RNF166: variants seen among roughly 807,000 people sequenced by gnomAD.
RNF166 encodes ring finger protein 166.
In RNF166, 19 loss-of-function variants were observed where a neutral mutation model predicts 29.4. That is an observed-to-expected ratio of 0.65 (90% CI 0.45 to 0.95). The LOEUF (loss-of-function observed/expected upper bound fraction) is 0.95, where lower values mean the gene tolerates loss of function less well. RNF166 is among the 40% of genes least tolerant of loss of function. The pLI is 0.00. For synonymous variants in RNF166, 171 were observed against 134.5 expected, an observed-to-expected ratio of 1.27 and a Z score of -1.88; for missense variants, 347 against 322.1, an observed-to-expected ratio of 1.08 and a Z score of -0.59.
rs528897801 is a variant in RNF166, at chr16:88,696,664, G to C, written c.*904C>G. 6.8e-6 allele frequency: 3 copies of C among 440,214 alleles called. No homozygotes were observed. Among genetic ancestry groups the C allele is most frequent in the African/African-American group, 4.1e-5 (2 of 48,694 alleles). 27.3% of individuals were successfully genotyped at this position (440,214 alleles called of 1,614,324 possible). On this transcript the variant is annotated 3_prime_UTR_variant, in exon 6 of 6. Coordinates refer to ENST00000312838, the MANE Select transcript of RNF166 (RefSeq NM_178841.4). ...CTGGGGTGCCGTCCCCTCCCGCAGCGGGGCACAGTCAGCTTTGAAGGTGAC... is the reference window on the plus strand; with the variant it reads ...CTGGGGTGCCGTCCCCTCCCGCAGCCGGGCACAGTCAGCTTTGAAGGTGAC...
In RNF166 at chr16:88,701,434, G is replaced by T. The variant is rs759814786; in HGVS notation, c.156-16C>A. On this transcript the variant is annotated splice_polypyrimidine_tract_variant and intron_variant, in intron 1 of 5. Coordinates refer to ENST00000312838, the MANE Select transcript of RNF166 (RefSeq NM_178841.4). Reference sequence around the variant, plus strand: ...CCCGCAGAACCTGCAGGGCACAGGGGCCTGAGTGCCAGCCCGCCCCTCGGG... The same window carrying T: ...CCCGCAGAACCTGCAGGGCACAGGGTCCTGAGTGCCAGCCCGCCCCTCGGG... The T allele has an allele frequency of 2.6e-6, 4 of 1,546,822 alleles. No individual in the cohort carries two copies. The highest frequency in any genetic ancestry group is 2.6e-6 in the Non-Finnish European group (3 of 1,149,676).
intron 4 of RNF166, 52 bp downstream of exon 4, chr16:88,698,918 TC>T: frequency 7.4e-7 from 1 of 1,352,740 alleles, no homozygotes; most frequent in Non-Finnish European, 1.0e-6. Context: ...CCTTGTACTG[TC>T]CCCCACAGGC....
At chr16:88,703,474 C>T (rs1314325394) in intron 1 of RNF166, 3 of 985,382 alleles carry the variant, frequency 3.0e-6, no homozygotes, top group East Asian at 2.3e-4. Flanking sequence ...TCAGGAAAGA[C>T]ACAAGAGGGA....
chr16:88,699,478 T>C, intron 3 of RNF166, 142 bp downstream of exon 3: 1 of 644,362 alleles, frequency 1.6e-6, no homozygotes, highest in East Asian at 2.8e-5. Context: ...TCCTGCAGGG[T>C]GGCAAGGAAG....
At position 88,702,933 on chromosome 16, in the gene RNF166, C is replaced by G. The variant is rs983234554; in HGVS notation, c.156-1515G>C. 6.1e-6 allele frequency: 6 copies of G among 985,410 alleles called. No individual in the cohort carries two copies. The African/African-American group carries it at 1.0e-4, about 17-fold the overall frequency. 61.0% of individuals were successfully genotyped at this position (985,410 alleles called of 1,614,324 possible). ...GGGGAGGCCTCAGGGGACCCCCATA[C>G]TCAGGCACTCATGGCAGGAGAAGCG... On this transcript the variant is annotated intron_variant, in intron 1 of 5. Coordinates refer to ENST00000312838, the MANE Select transcript of RNF166 (RefSeq NM_178841.4).
At chr16:88,697,906 G>T in intron 5 of RNF166, 4 of 494,112 alleles carry the variant, frequency 8.1e-6, no homozygotes, top group Non-Finnish European at 1.5e-5. Flanking sequence ...GGTTTCCGAG[G>T]TGAGCAGGCC....
intron 1 of RNF166, among the ~76,000 whole-genome samples, chr16:88,702,434 A>G (rs1178094092): frequency 1.3e-5 from 2 of 152,022 alleles, no homozygotes; most frequent in Non-Finnish European, 2.9e-5. Context: ...CACTGGACAG[A>G]GGGGCTGTGG....
rs1374133205 is a variant in RNF166 at position 88,699,861 on chromosome 16, G to C, written c.313-129C>G. ...GCGTCTGTGTTGCCAGCAGCAGGGG[G>C]ACCCGGTCCCTTCTGCTGCTAAAAC... On this transcript the variant is annotated intron_variant, in intron 2 of 5. Coordinates refer to ENST00000312838, the MANE Select transcript of RNF166 (RefSeq NM_178841.4). The C allele has an allele frequency of 1.1e-5, 7 of 616,516 alleles. No individual in the cohort carries two copies. In the Admixed American group the frequency reaches 1.2e-4, roughly 11 times the overall value. The allele number at this position is 616,516 out of a possible 1,614,324, so 38.2% of individuals were successfully genotyped here. A position where few individuals can be genotyped will look rare whatever the true frequency, so the allele number is the denominator to read the frequency against.
At chr16:88,701,690 G>A (rs112125845) in intron 1 of RNF166, 87,750 of 428,918 alleles carry the variant, frequency 0.2, 9,728 homozygotes, top group Middle Eastern at 0.26. Flanking sequence ...GGCTGTCCCC[G>A]CGAGTGGGCC....
At chr16:88,699,818 C>G (rs181342494) in intron 2 of RNF166, 86 bp from the exon 3 acceptor site, 36 of 882,122 alleles carry the variant, frequency 4.1e-5, no homozygotes, top group Non-Finnish European at 6.1e-5. Flanking sequence ...GTGTCCAGGA[C>G]CAGAGAACTG....
chr16:88,698,820 C>T (rs143529104), intron 4 of RNF166, 151 bp downstream of exon 4: 49 of 699,568 alleles, frequency 7.0e-5, no homozygotes, highest in Admixed American at 1.5e-4. Flanking sequence ...CCGCCAGGTG[C>T]TGCTCGGGCA....
chr16:88,698,725 C>T (rs1909892204), intron 4 of RNF166, 116 bp from the exon 5 acceptor site: 1 of 799,238 alleles, frequency 1.3e-6, no homozygotes. Flanking sequence ...GGGAAGGCAC[C>T]CCAGACCTGG....
At chr16:88,699,436 T>A (rs1909981228) in intron 3 of RNF166, among the ~76,000 whole-genome samples, 184 bp downstream of exon 3, 1 of 152,124 alleles carries the variant, frequency 6.6e-6, no homozygotes. Context: ...GGGGGCCTGG[T>A]GGGTATGCCA....
chr16:88,700,909 C>T (rs1048074534), intron 2 of RNF166: 35 of 1,156,182 alleles, frequency 3.0e-5, no homozygotes, highest in Middle Eastern at 3.8e-4. Context: ...GAGCCCCCAG[C>T]GCCGTCCCCG....
intron 1 of RNF166, chr16:88,703,679 G>A: frequency 1.0e-6 from 1 of 985,516 alleles, no homozygotes; most frequent in Non-Finnish European, 1.2e-6. Context: ...GTGCTGAGCA[G>A]CTTCTCAGCT....
intron 1 of RNF166, chr16:88,703,913 G>A (rs1910516271): frequency 1.0e-6 from 1 of 985,436 alleles, no homozygotes. Flanking sequence ...CACGAGTGGA[G>A]GCTGCTCACA....
rs374115741 is a variant in RNF166 at position 88,697,521 on chromosome 16, C to T, written c.*47G>A. ...GCAGGTGCCAGGTGCGACACAGGAG[C>T]GGGGACATCCCTGACCCCAGACGCA... is the stretch of plus-strand genomic sequence containing the variant. On this transcript the variant is annotated 3_prime_UTR_variant, in exon 6 of 6. Transcript: ENST00000312838. The T allele has an allele frequency of 1.1e-4, 149 of 1,393,394 alleles. No homozygotes were observed. Among genetic ancestry groups the T allele is most frequent in the Admixed American group, 2.0e-4 (10 of 48,844 alleles). 86.3% of individuals were successfully genotyped at this position (1,393,394 alleles called of 1,614,324 possible).
Position 88,706,326 on chromosome 16 carries a change from C to T in RNF166, c.-1G>A. ...CCACCAGGCTGCGGAACATAGCCAT[C>T]CCGGGGCCAGGCCCGCGCCGCCCGC... On this transcript the variant is annotated 5_prime_UTR_variant, in exon 1 of 6. Transcript: ENST00000312838. 8.2e-7 allele frequency: 1 copy of T among 1,221,612 alleles called. No homozygotes were observed. Among genetic ancestry groups the T allele is most frequent in the Non-Finnish European group, 1.0e-6 (1 of 981,198 alleles). 75.7% of individuals were successfully genotyped at this position (1,221,612 alleles called of 1,614,324 possible). A position where few individuals can be genotyped will look rare whatever the true frequency, so the allele number is the denominator to read the frequency against.
intron 1 of RNF166, among the ~76,000 whole-genome samples, chr16:88,705,688 C>T (rs1455588655): frequency 1.3e-5 from 2 of 152,274 alleles, no homozygotes; most frequent in Non-Finnish European, 2.9e-5. Context: ...AAACAAGCCC[C>T]TCTAAACTTT....
Sources: gnomAD v4.1 joint callset for allele counts (sites outside exome capture counted in the v4.1 genomes callset) on GRCh38, gnomAD v4.1.1 for gene constraint, MANE v1.5 for transcripts, NCBI Gene and HGNC (gene_info 2026-07-23, HGNC 2026-07-21) for gene names.